The following RAB8B variants were observed in gnomAD, a reference collection of about 807,000 sequenced individuals.
The protein encoded by RAB8B is ras-related protein Rab-8B.
In RAB8B, 11 loss-of-function variants were observed where a neutral mutation model predicts 32.0. The ratio of observed to expected loss-of-function variants is 0.34; its 90% confidence interval spans 0.22 to 0.57. The LOEUF (loss-of-function observed/expected upper bound fraction) is 0.57. Among genes scored for constraint, RAB8B ranks in the 20% least tolerant of loss-of-function variants. RAB8B has a pLI of 0.86. For synonymous variants in RAB8B, 103 were observed against 89.6 expected (o/e 1.15, Z -0.85); for missense variants, 190 against 258.5 (o/e 0.73, Z 1.82).
At chr15:63,228,564 C>G (rs529399729) in intron 1 of RAB8B, among the ~76,000 whole-genome samples, 2 of 152,296 alleles carry the variant, frequency 1.3e-5, no homozygotes, top group Admixed American at 1.3e-4. Flanking sequence ...TTCTTTGTTT[C>G]CCACATGCTG....
chr15:63,195,465 C>T (rs1383786276), intron 1 of RAB8B, among the ~76,000 whole-genome samples: 1 of 152,204 alleles, frequency 6.6e-6, no homozygotes, highest in East Asian at 1.9e-4. Context: ...AGGAGGTTCT[C>T]TTGGCAACAG....
intron 1 of RAB8B, 104 bp from the exon 2 acceptor site, chr15:63,244,652 C>A: frequency 1.2e-6 from 1 of 822,968 alleles, no homozygotes; most frequent in Non-Finnish European, 2.0e-6. Context: ...TCACATTTTC[C>A]AGTGCGTTGG....
intron 5 of RAB8B, 93 bp downstream of exon 5, chr15:63,256,687 C>A: frequency 2.1e-6 from 2 of 970,380 alleles, no homozygotes; most frequent in Non-Finnish European, 3.0e-6. Context: ...TTTTTAAAAT[C>A]TGTGTTTTAA....
At chr15:63,251,006 C>G (rs1041131506) in intron 3 of RAB8B, among the ~76,000 whole-genome samples, 1 of 151,936 alleles carries the variant, frequency 6.6e-6, no homozygotes, top group Non-Finnish European at 1.5e-5. Flanking sequence ...CCTTCCTCCT[C>G]CACCACCACT....
intron 7 of RAB8B, 35 bp from the exon 8 acceptor site, chr15:63,263,492 T>A: frequency 6.5e-7 from 1 of 1,527,216 alleles, no homozygotes; most frequent in Non-Finnish European, 9.1e-7. Flanking sequence ...CATGAAACTT[T>A]TATTTCCTTG....
intron 1 of RAB8B, among the ~76,000 whole-genome samples, chr15:63,239,502 T>G (rs1397801579): frequency 6.8e-6 from 1 of 146,046 alleles, no homozygotes; most frequent in African/African-American, 2.5e-5. Flanking sequence ...AACCTCTACC[T>G]CCTGGGTTCA....
At chr15:63,195,235 T>C (rs778981309) in intron 1 of RAB8B, among the ~76,000 whole-genome samples, 3 of 152,242 alleles carry the variant, frequency 2.0e-5, no homozygotes, top group Non-Finnish European at 4.4e-5. Flanking sequence ...AGCAATAGCA[T>C]TGATAACGAC....
Position 63,267,751 on chromosome 15 carries a change from T to C in RAB8B, c.*4132T>C, listed in dbSNP as rs1430251086. The C allele has an allele frequency of 6.6e-6, 1 of 152,136 alleles. No individual in the cohort carries two copies. The highest frequency in any genetic ancestry group is 1.5e-5 in the Non-Finnish European group (1 of 68,018). 9.4% of individuals were successfully genotyped at this position (152,136 alleles called of 1,614,324 possible). On this transcript the variant is annotated 3_prime_UTR_variant, in exon 8 of 8. Coordinates refer to ENST00000321437, the MANE Select transcript of RAB8B (RefSeq NM_016530.3). The stretch of plus-strand genomic sequence containing the variant: ...TTTTTATAATAATGTTCGTCTAAAA[T>C]AAAAACTACATAATGAAAATGAAAA...
intron 1 of RAB8B, among the ~76,000 whole-genome samples, chr15:63,198,224 CAGCAGCTCAATT>C (rs1211236675): frequency 1.3e-5 from 2 of 152,168 alleles, no homozygotes; most frequent in Non-Finnish European, 2.9e-5. Flanking sequence ...CAGTTCTCTA[CAGCAGCTCAATT>C]AGCTGTGATG....
At chr15:63,219,500 A>G (rs1472279963) in intron 1 of RAB8B, among the ~76,000 whole-genome samples, 1 of 151,826 alleles carries the variant, frequency 6.6e-6, no homozygotes, top group East Asian at 1.9e-4. Context: ...GAACATGACA[A>G]CAGATAAGAG....
chr15:63,242,246 A>C (rs911696256), intron 1 of RAB8B, among the ~76,000 whole-genome samples: 1 of 151,926 alleles, frequency 6.6e-6, no homozygotes, highest in Non-Finnish European at 1.5e-5. Flanking sequence ...TACCACACAG[A>C]GAAAAAAGGA....
chr15:63,243,518 G>T (rs76318935), intron 1 of RAB8B, among the ~76,000 whole-genome samples: 3 of 152,134 alleles, frequency 2.0e-5, no homozygotes, highest in Non-Finnish European at 2.9e-5. Context: ...CTACCATAGT[G>T]GGGGGAAATA....
chr15:63,202,983 T>G (rs1176646931), intron 1 of RAB8B, among the ~76,000 whole-genome samples: 1 of 152,168 alleles, frequency 6.6e-6, no homozygotes, highest in Non-Finnish European at 1.5e-5. Context: ...GCCTTTATAG[T>G]CTTGATTTAT....
chr15:63,239,805 A>G (rs1323788957), intron 1 of RAB8B, among the ~76,000 whole-genome samples: 1 of 152,210 alleles, frequency 6.6e-6, no homozygotes, highest in Non-Finnish European at 1.5e-5. Flanking sequence ...GTTACTGTAC[A>G]CATGTTTCTG....
At position 63,244,834 on chromosome 15, in the gene RAB8B, CAG is replaced by C; in HGVS notation, c.185+21_185+22del. On this transcript the variant is annotated intron_variant, in intron 2 of 7. Coordinates refer to ENST00000321437, the MANE Select transcript of RAB8B (RefSeq NM_016530.3). Reference sequence around the variant, plus strand: ...CAGATATGGTAAGTAAACACACACACAGAGTTTCTGCTTTAATTGGGAATTGA... The same window carrying C: ...CAGATATGGTAAGTAAACACACACACAGTTTCTGCTTTAATTGGGAATTGA... 2 of 1,546,342 alleles carry C rather than the reference CAG, an allele frequency of 1.3e-6. No individual in the cohort carries two copies. The highest frequency in any genetic ancestry group is 1.8e-6 in the Non-Finnish European group (2 of 1,128,866).
chr15:63,259,992 G>A lies in RAB8B; in HGVS notation c.480+300G>A, dbSNP rs147529517. 5.4e-3 allele frequency among the ~76,000 whole-genome samples: 822 copies of A among 152,114 alleles called. 8 individuals are homozygous for A. Among genetic ancestry groups the A allele is most frequent in the African/African-American group, 0.018 (763 of 41,498 alleles). ...TGGTACTATAGGTGTGCATCACCAC[G>A]CCCAGCTAATTTTTGTATTTTTAGT... On this transcript the variant is annotated intron_variant, in intron 6 of 7. Transcript: ENST00000321437. This position sits in a 1 kb window ranked among gnomAD's most constrained non-coding sequence, Gnocchi z 4.4.
intron 2 of RAB8B, among the ~76,000 whole-genome samples, chr15:63,246,066 G>T (rs988741129): frequency 6.6e-6 from 1 of 152,180 alleles, no homozygotes; most frequent in African/African-American, 2.4e-5. Flanking sequence ...TAGAAACGGG[G>T]TTTCTCCATG....
At chr15:63,249,337 C>T (rs1294067779) in intron 2 of RAB8B, among the ~76,000 whole-genome samples, 2 of 152,110 alleles carry the variant, frequency 1.3e-5, no homozygotes, top group African/African-American at 2.4e-5. Context: ...TCTCTATTCC[C>T]TCCCACGTGT....
intron 1 of RAB8B, among the ~76,000 whole-genome samples, chr15:63,198,334 C>A (rs2037620418): frequency 6.6e-6 from 1 of 152,116 alleles, no homozygotes; most frequent in Admixed American, 6.5e-5. Flanking sequence ...CAACTTTGGA[C>A]ATTTTCCTGG....
Sources: gnomAD v4.1 joint callset for allele counts (sites outside exome capture counted in the v4.1 genomes callset) on GRCh38, gnomAD v4.1.1 for gene constraint, Gnocchi (gnomAD v3.1) non-coding constraint, MANE v1.5 for transcripts, NCBI Gene and HGNC (gene_info 2026-07-23, HGNC 2026-07-21) for gene names.